The following ABCA10 variants were observed in gnomAD, a reference collection of about 807,000 sequenced individuals.
ABCA10 encodes ATP-binding cassette sub-family A member 10.
In ABCA10, 169 loss-of-function variants were observed where a neutral mutation model predicts 187.5. The observed-to-expected ratio is 0.90, with a 90% CI of 0.80 to 1.02. ABCA10 has a LOEUF of 1.02. ABCA10 is among the 50% of genes least tolerant of loss of function. The probability of loss-of-function intolerance (pLI) is 0.00; values close to 1 mark genes in which losing one functional copy is unlikely to be tolerated. For synonymous variants in ABCA10, 574 were observed against 601.8 expected (o/e 0.95, Z 0.68); for missense variants, 1,727 against 1,812.4 (o/e 0.95, Z 0.86).
At chr17:69,190,224 G>C (rs1206899818) in intron 18 of ABCA10, 134 bp downstream of exon 18, 4 of 1,017,962 alleles carry the variant, frequency 3.9e-6, no homozygotes, top group East Asian at 3.1e-5. Flanking sequence ...TCTATCTAGT[G>C]GACAATGCTA....
chr17:69,180,384 T>C (rs1290988412), intron 22 of ABCA10, among the ~76,000 whole-genome samples: 1 of 152,170 alleles, frequency 6.6e-6, no homozygotes, highest in Non-Finnish European at 1.5e-5. Context: ...AAGTTCATAT[T>C]TGAAAAACAA....
intron 9 of ABCA10, 109 bp from the exon 10 acceptor site, chr17:69,201,777 G>T: frequency 2.1e-6 from 2 of 966,608 alleles, no homozygotes; most frequent in Non-Finnish European, 2.9e-6. Flanking sequence ...ATTTATCTTG[G>T]GCATTTATAT....
rs568309087 is a variant in ABCA10, at chr17:69,194,644, G to A, written c.1235-149C>T. The A allele has an allele frequency of 8.3e-5, 46 of 557,122 alleles. No homozygotes were observed. In the South Asian group the frequency reaches 1.3e-3, roughly 16 times the overall value. 34.5% of individuals were successfully genotyped at this position (557,122 alleles called of 1,614,324 possible). On this transcript the variant is annotated intron_variant, in intron 11 of 38. Coordinates refer to ENST00000690296, the MANE Select transcript of ABCA10 (RefSeq NM_001377321.1). Reference sequence around the variant, plus strand: ...TAAAATTATACATTTAATTGTATAAGTTATGTATTCCTGAAGACAAAGCTT... The same window carrying A: ...TAAAATTATACATTTAATTGTATAAATTATGTATTCCTGAAGACAAAGCTT...
intron 29 of ABCA10, 55 bp from the exon 30 acceptor site, chr17:69,155,191 T>C: frequency 3.6e-6 from 5 of 1,380,006 alleles, no homozygotes; most frequent in Non-Finnish European, 5.1e-6. Flanking sequence ...ACTTTACGAA[T>C]TGATGTTTTA....
chr17:69,210,022 C>T (rs2074626025), intron 9 of ABCA10, among the ~76,000 whole-genome samples: 1 of 151,692 alleles, frequency 6.6e-6, no homozygotes, highest in African/African-American at 2.4e-5. Flanking sequence ...TATATGTGCA[C>T]ACACTATCTA....
rs775171334 is a variant in ABCA10 at position 69,164,106 on chromosome 17, CTTCA to C, written c.3327_3330del (p.Asn1109LysfsTer8). 3.8e-6 allele frequency: 6 copies of C among 1,587,266 alleles called. No homozygotes were observed. The East Asian group carries it at 1.4e-4, about 37-fold the overall frequency. ...GTTGTTAAAAGAATGGTTTTATTGACTTCATTTATTCTATTGTCCAGACTGTCCA... is the reference window on the plus strand; with the variant it reads ...GTTGTTAAAAGAATGGTTTTATTGACTTTATTCTATTGTCCAGACTGTCCA... On this transcript the variant is annotated frameshift_variant, in exon 27 of 39. Coordinates refer to ENST00000690296, the MANE Select transcript of ABCA10 (RefSeq NM_001377321.1). LOFTEE classifies it high-confidence loss of function.
intron 18 of ABCA10, 107 bp downstream of exon 18, chr17:69,190,251 T>C: frequency 1.6e-6 from 2 of 1,247,768 alleles, no homozygotes; most frequent in Non-Finnish European, 2.1e-6. Context: ...ATCTAATGCA[T>C]ATTATAGGTA....
chr17:69,167,307 A>T (rs1193314969), intron 25 of ABCA10, among the ~76,000 whole-genome samples: 2 of 152,208 alleles, frequency 1.3e-5, no homozygotes, highest in African/African-American at 2.4e-5. Flanking sequence ...CTCTATGGAA[A>T]GGATTGTCAA....
Position 69,152,125 on chromosome 17 carries a change from T to C in ABCA10, c.4315A>G (p.Ile1439Val), listed in dbSNP as rs575763000. 1 of 1,613,966 alleles carries C rather than the reference T, an allele frequency of 6.2e-7. No homozygotes were observed. Among genetic ancestry groups the C allele is most frequent in the South Asian group, 1.1e-5 (1 of 91,034 alleles). The change falls in exon 36 of 39, where the codon ATA becomes GTA. Residue 1439 changes from isoleucine to valine, a missense_variant. Ile to Val is a conservative substitution (Grantham distance 29). Transcript: ENST00000690296. The part of the protein sequence containing the change: ...NKFGRDYLLE[I>V]KMKEPTQVEA... ...ACCTGGGTAGGTTCTTTCATTTTTATTTCTAGTAAATAATCTCTACCAAAC... is the reference window on the plus strand; with the variant it reads ...ACCTGGGTAGGTTCTTTCATTTTTACTTCTAGTAAATAATCTCTACCAAAC...
At chr17:69,162,528 C>G (rs1390742498) in intron 27 of ABCA10, among the ~76,000 whole-genome samples, 1 of 152,154 alleles carries the variant, frequency 6.6e-6, no homozygotes, top group Non-Finnish European at 1.5e-5. Flanking sequence ...GCTCATTTCT[C>G]TCATCAAACA....
chr17:69,209,193 A>G (rs891295563), intron 9 of ABCA10, among the ~76,000 whole-genome samples: 4 of 152,246 alleles, frequency 2.6e-5, no homozygotes, highest in African/African-American at 9.6e-5. Context: ...TAATTTTTTA[A>G]ATTATCAAAT....
At chr17:69,182,336 A>C (rs1311500209) in intron 21 of ABCA10, 46 bp from the exon 22 acceptor site, 8 of 1,309,234 alleles carry the variant, frequency 6.1e-6, no homozygotes, top group Non-Finnish European at 8.1e-6. Context: ...CTTATAGTAA[A>C]TATATTTATT....
At chr17:69,167,659 T>A (rs1042800421) in intron 25 of ABCA10, among the ~76,000 whole-genome samples, 4 of 151,966 alleles carry the variant, frequency 2.6e-5, no homozygotes, top group African/African-American at 9.7e-5. Flanking sequence ...TGCCAGATGA[T>A]GAGAAAGAAG....
Position 69,193,212 on chromosome 17 carries a change from G to C in ABCA10, c.1678C>G (p.Pro560Ala). ...LLDEPTAGLD[P>A]FSRHRVWSLL... is the part of the protein sequence containing the mutation. Reference sequence around the variant, plus strand: ...CTCCACACTCGGTGTCTTGAAAAGGGATCCAATCCAGCAGTTGGTTCATCT... The same window carrying C: ...CTCCACACTCGGTGTCTTGAAAAGGCATCCAATCCAGCAGTTGGTTCATCT... The change falls in exon 15 of 39, where the codon CCC becomes GCC. Residue 560 changes from proline (P) to alanine (A), a missense_variant. Transcript: ENST00000690296. The C allele has an allele frequency of 6.2e-7, 1 of 1,613,988 alleles. No individual in the cohort carries two copies. The highest frequency in any genetic ancestry group is 8.5e-7 in the Non-Finnish European group (1 of 1,179,970).
intron 27 of ABCA10, among the ~76,000 whole-genome samples, chr17:69,162,785 G>T (rs1269503853): frequency 9.5e-6 from 1 of 105,686 alleles, no homozygotes; most frequent in African/African-American, 3.5e-5. Flanking sequence ...CACTTTGATG[G>T]GGTTTATGTT....
intron 9 of ABCA10, among the ~76,000 whole-genome samples, chr17:69,206,081 T>C (rs1476757744): frequency 6.6e-6 from 1 of 152,156 alleles, no homozygotes; most frequent in Non-Finnish European, 1.5e-5. Flanking sequence ...TAGACAGAAT[T>C]TGAGCATACA....
intron 25 of ABCA10, 73 bp from the exon 26 acceptor site, chr17:69,165,156 C>T: frequency 1.6e-6 from 2 of 1,253,466 alleles, no homozygotes; most frequent in Non-Finnish European, 1.1e-6. Context: ...CTGTGAATAA[C>T]CTGTTTTCCT....
rs1394394199 is a variant in ABCA10, at chr17:69,187,575, C to CA, written c.2330+105dup. 1.4e-5 allele frequency: 18 copies of CA among 1,249,832 alleles called. No homozygotes were observed. The East Asian group carries it at 1.8e-4, about 13-fold the overall frequency. 77.4% of individuals were successfully genotyped at this position (1,249,832 alleles called of 1,614,324 possible). A position where few individuals can be genotyped will look rare whatever the true frequency, so the allele number is the denominator to read the frequency against. ...AGTAACAGCAGGATAGGTAAACATA[C>CA]AAAAAAACTGTTAAATGAATGAATA... On this transcript the variant is annotated intron_variant, in intron 19 of 38. Coordinates refer to ENST00000690296, the MANE Select transcript of ABCA10 (RefSeq NM_001377321.1).
At chr17:69,202,966 C>T (rs1300092547) in intron 9 of ABCA10, among the ~76,000 whole-genome samples, 3 of 152,102 alleles carry the variant, frequency 2.0e-5, no homozygotes, top group African/African-American at 7.2e-5. Flanking sequence ...TATTTCACTG[C>T]AAGCTGTTAC....
Sources: gnomAD v4.1 joint callset for allele counts (sites outside exome capture counted in the v4.1 genomes callset) on GRCh38, gnomAD v4.1.1 for gene constraint, MANE v1.5 for transcripts, NCBI Gene and HGNC (gene_info 2026-07-23, HGNC 2026-07-21) for gene names.